CAAP1: variants seen among roughly 807,000 people sequenced by gnomAD.
CAAP1 encodes conserved anti-apoptotic protein.
Under a neutral mutation model 34.0 loss-of-function variants are expected in CAAP1, and 20 were observed. The ratio of observed to expected loss-of-function variants is 0.59; its 90% CI spans 0.41 to 0.86. CAAP1 has a LOEUF of 0.86. CAAP1 is among the 40% of genes least tolerant of loss of function. The pLI is 0.00. For missense variants in CAAP1, 538 were observed against 450.5 expected (o/e 1.19, Z -1.76); for synonymous variants, 213 against 166.7 (o/e 1.28, Z -2.14).
At chr9:26,845,194 T>C (rs1303500320) in intron 5 of CAAP1, among the ~76,000 whole-genome samples, 1 of 152,146 alleles carries the variant, frequency 6.6e-6, no homozygotes, top group Non-Finnish European at 1.5e-5. Flanking sequence ...ATTTTTGTTG[T>C]TGTTCCCTGC....
chr9:26,882,343 C>G (rs546683313), intron 4 of CAAP1, among the ~76,000 whole-genome samples: 3 of 152,310 alleles, frequency 2.0e-5, no homozygotes, highest in African/African-American at 7.2e-5. Context: ...GGGCCAGGCT[C>G]AGGGCTCCCC....
intron 5 of CAAP1, among the ~76,000 whole-genome samples, chr9:26,853,739 G>A (rs1294440736): frequency 6.6e-6 from 1 of 152,198 alleles, no homozygotes; most frequent in Non-Finnish European, 1.5e-5. Context: ...AGCAGGATCA[G>A]TACTCAAACA....
chr9:26,843,282 AT>A (rs1050985086), intron 5 of CAAP1, among the ~76,000 whole-genome samples: 1 of 152,232 alleles, frequency 6.6e-6, no homozygotes, highest in African/African-American at 2.4e-5. Context: ...TAAAAAATGC[AT>A]TTGTTATAAA....
intron 5 of CAAP1, among the ~76,000 whole-genome samples, chr9:26,855,603 A>C (rs188832731): frequency 5.4e-4 from 83 of 152,334 alleles, no homozygotes; most frequent in Admixed American, 1.0e-3. Flanking sequence ...CCAAAAAAAA[A>C]GCCTTTAATA....
At position 26,892,696 on chromosome 9, in the gene CAAP1, G is replaced by A. The variant is rs267602204; in HGVS notation, c.20C>T (p.Ser7Phe). Residue 7 changes from serine to phenylalanine, a missense_variant, in exon 1 of 6, where the codon TCC becomes TTC. Physicochemically the swap from Ser to Phe is radical, Grantham distance 155 (BLOSUM62 -2). Transcript: ENST00000333916. Reference protein sequence around the residue: MTGKKSSREKRRKRSSQ... With the variant: MTGKKSFREKRRKRSSQ... The stretch of plus-strand genomic sequence containing the variant: ...GCTACGTTTGCGCCGTTTCTCCCGG[G>A]AGGACTTTTTCCCCGTCATGATCCC... The A allele has an allele frequency of 2.5e-6, 4 of 1,600,030 alleles. No homozygotes were observed. The highest frequency in any genetic ancestry group is 2.2e-5 in the East Asian group (1 of 44,760).
chr9:26,880,244 A>G, intron 4 of CAAP1: 1 of 416,032 alleles, frequency 2.4e-6, no homozygotes, highest in Non-Finnish European at 4.7e-6. Flanking sequence ...CAAAAAGGAC[A>G]ACCAGATAGG....
intron 5 of CAAP1, among the ~76,000 whole-genome samples, chr9:26,853,270 T>G (rs1363288727): frequency 6.6e-6 from 1 of 152,188 alleles, no homozygotes; most frequent in Admixed American, 6.5e-5. Flanking sequence ...GTAACTGCTA[T>G]TTATTAAGAC....
At chr9:26,850,846 T>C (rs1822732861) in intron 5 of CAAP1, among the ~76,000 whole-genome samples, 1 of 152,206 alleles carries the variant, frequency 6.6e-6, no homozygotes, top group African/African-American at 2.4e-5. Context: ...CCATCATTTA[T>C]AAAATTTAAT....
At chr9:26,892,167 G>A in intron 1 of CAAP1, 1 of 1,083,480 alleles carries the variant, frequency 9.2e-7, no homozygotes, top group Non-Finnish European at 1.3e-6. Flanking sequence ...AAGGAGCCAA[G>A]AGTTTAAAAA....
chr9:26,859,825 T>G (rs984493808), intron 5 of CAAP1, among the ~76,000 whole-genome samples: 60 of 152,340 alleles, frequency 3.9e-4, no homozygotes, highest in Non-Finnish European at 1.6e-4. Context: ...ATGGGAATTT[T>G]TGAAACAATC....
intron 5 of CAAP1, among the ~76,000 whole-genome samples, chr9:26,851,769 T>TTCC (rs1245709267): frequency 6.6e-6 from 1 of 152,214 alleles, no homozygotes; most frequent in African/African-American, 2.4e-5. Flanking sequence ...CTGTCTCAAT[T>TTCC]TCCAAGCATC....
rs148630034 is a variant in CAAP1 at position 26,871,326 on chromosome 9, C to T, written c.666-10187G>A. Among the ~76,000 whole-genome samples, 39 of 152,206 alleles carry T rather than the reference C, an allele frequency of 2.6e-4. No individual in the cohort carries two copies. The East Asian group carries it at 7.1e-3, about 28-fold the overall frequency. On this transcript the variant is annotated intron_variant, in intron 4 of 5. Transcript: ENST00000333916. The stretch of plus-strand genomic sequence containing the variant: ...GGCGCAGTGGCTCATGCCTGTAATC[C>T]TAACACTTTGGGAGGCAGAGGAGGG...
At chr9:26,872,773 T>C (rs1823312165) in intron 4 of CAAP1, among the ~76,000 whole-genome samples, 1 of 152,108 alleles carries the variant, frequency 6.6e-6, no homozygotes, top group Non-Finnish European at 1.5e-5. Flanking sequence ...CTAAAGAATA[T>C]ACTAGATATT....
At chr9:26,845,961 GA>G (rs1822591026) in intron 5 of CAAP1, among the ~76,000 whole-genome samples, 1 of 151,456 alleles carries the variant, frequency 6.6e-6, no homozygotes, top group Non-Finnish European at 1.5e-5. Flanking sequence ...TAAAATGGAT[GA>G]GGGGTAGGCC....
At chr9:26,885,040 A>AT in intron 3 of CAAP1, 155 bp from the exon 4 acceptor site, 1 of 520,746 alleles carries the variant, frequency 1.9e-6, no homozygotes, top group Non-Finnish European at 3.3e-6. Context: ...ATTTAAAATA[A>AT]TTTTTTCAAT....
intron 4 of CAAP1, among the ~76,000 whole-genome samples, chr9:26,866,105 C>A (rs2131316365): frequency 6.6e-6 from 1 of 152,188 alleles, no homozygotes; most frequent in South Asian, 2.1e-4. Context: ...CCTTGGCCTC[C>A]CAAAGTGCTG....
intron 4 of CAAP1, among the ~76,000 whole-genome samples, chr9:26,862,170 C>T (rs10812484): frequency 0.041 from 6,231 of 152,162 alleles, 438 homozygotes; most frequent in African/African-American, 0.14. Context: ...GAATGACTGG[C>T]AGGTCCCAAG....
chr9:26,874,224 A>G (rs901873452), intron 4 of CAAP1, among the ~76,000 whole-genome samples: 17 of 151,548 alleles, frequency 1.1e-4, no homozygotes, highest in African/African-American at 3.4e-4. Flanking sequence ...AAAAAAAAAA[A>G]AAAAAAAAAT....
intron 4 of CAAP1, among the ~76,000 whole-genome samples, chr9:26,866,862 T>C (rs1459738255): frequency 1.3e-5 from 2 of 152,264 alleles, no homozygotes; most frequent in South Asian, 4.1e-4. Context: ...AAAATCAATA[T>C]ACTGGCAGGG....
Sources: allele counts gnomAD v4.1 joint callset (sites outside exome capture counted in the v4.1 genomes callset), GRCh38; gene constraint gnomAD v4.1.1; transcripts MANE v1.5; gene names NCBI Gene and HGNC (gene_info 2026-07-23, HGNC 2026-07-21).